ZBTB40: variants seen among roughly 807,000 people sequenced by gnomAD.
ZBTB40 encodes zinc finger and BTB domain containing 40.
A neutral mutation model predicts 117.5 loss-of-function variants in ZBTB40; 60 were observed. That is an observed-to-expected ratio of 0.51 (90% CI 0.41 to 0.63). The LOEUF is 0.63. Among genes scored for constraint, ZBTB40 ranks in the 30% least tolerant of loss-of-function variants. ZBTB40 has a pLI of 0.00. For missense variants in ZBTB40, 1,287 were observed against 1,498.5 expected, an observed-to-expected ratio of 0.86 and a Z score of 2.33; for synonymous variants, 525 against 577.1, an observed-to-expected ratio of 0.91 and a Z score of 1.29.
chr1:22,430,896 C>T (rs935090414), intron 1 of ZBTB40, among the ~76,000 whole-genome samples: 1 of 152,084 alleles, frequency 6.6e-6, no homozygotes, highest in African/African-American at 2.4e-5. Flanking sequence ...AGATAACTAG[C>T]CAATATGTTG....
At position 22,524,129 on chromosome 1, in the gene ZBTB40, T is replaced by G. The variant is rs991237889; in HGVS notation, c.3299-89T>G. The G allele has an allele frequency of 4.3e-5, 55 of 1,287,520 alleles. No individual in the cohort carries two copies. The African/African-American group carries it at 7.8e-4, about 18-fold the overall frequency. 79.8% of individuals were successfully genotyped at this position (1,287,520 alleles called of 1,614,324 possible). ...TCCAAGCCTCGATCCTCATTGCTCT[T>G]TCCTCTCATGTCTTCCTGCCCTCAT... On this transcript the variant is annotated intron_variant, in intron 16 of 17. Coordinates refer to ENST00000375647, the MANE Select transcript of ZBTB40 (RefSeq NM_014870.4).
At chr1:22,451,814 CG>C (rs950152759), upstream of ZBTB40, 2 of 152,270 alleles carry the variant, frequency 1.3e-5, no homozygotes, top group Non-Finnish European at 2.9e-5. Flanking sequence ...CACGTGACCG[CG>C]GCGCGTGGGG....
intron 1 of ZBTB40, among the ~76,000 whole-genome samples, chr1:22,433,098 T>A (rs1215712302): frequency 6.6e-6 from 1 of 151,758 alleles, no homozygotes; most frequent in East Asian, 1.9e-4. Flanking sequence ...AGATCGAAAA[T>A]GTTTGGGGAA....
chr1:22,457,848 C>T (rs1400679975), intron 1 of ZBTB40, among the ~76,000 whole-genome samples: 1 of 152,194 alleles, frequency 6.6e-6, no homozygotes, highest in Non-Finnish European at 1.5e-5. Context: ...AGGACTGGGG[C>T]CTGACCATTG....
intron 1 of ZBTB40, among the ~76,000 whole-genome samples, chr1:22,453,663 T>C (rs890081944): frequency 8.5e-5 from 13 of 152,230 alleles, no homozygotes; most frequent in Non-Finnish European, 1.6e-4. Flanking sequence ...AGTATTAATA[T>C]TACCATTTTA....
chr1:22,435,203 G>A lies in ZBTB40; in HGVS notation c.-70+6189G>A, dbSNP rs185357941. Among the ~76,000 whole-genome samples, 21 of 152,066 alleles carry A rather than the reference G, an allele frequency of 1.4e-4. No homozygotes were observed. The East Asian group carries it at 3.9e-3, about 28-fold the overall frequency. ...TTTTATAGAGATTGGGTCTCACTAT[G>A]TTGCCCAGGCTGGTTTTGAACTCCT... On this transcript the variant is annotated intron_variant, in intron 1 of 8. Coordinates refer to the ZBTB40 transcript ENST00000650433.
At chr1:22,454,014 A>G (rs1640946282) in intron 1 of ZBTB40, among the ~76,000 whole-genome samples, 1 of 152,166 alleles carries the variant, frequency 6.6e-6, no homozygotes, top group African/African-American at 2.4e-5. Context: ...CAGTGGCACA[A>G]TCTCGGCTCA....
chr1:22,467,769 C>T (rs1641291024), intron 1 of ZBTB40, among the ~76,000 whole-genome samples: 1 of 137,236 alleles, frequency 7.3e-6, no homozygotes, highest in African/African-American at 2.7e-5. Flanking sequence ...GCCACTGTGT[C>T]AGGCCTGTTT....
intron 1 of ZBTB40, among the ~76,000 whole-genome samples, chr1:22,482,035 A>C (rs1252123775): frequency 6.6e-6 from 1 of 152,002 alleles, no homozygotes; most frequent in Non-Finnish European, 1.5e-5. Context: ...TAAAAATTCC[A>C]GTCGCCTACT....
chr1:22,529,269 C>T lies in ZBTB40; in HGVS notation c.*2873C>T. On this transcript the variant is annotated 3_prime_UTR_variant, in exon 18 of 18. Coordinates refer to ENST00000375647, the MANE Select transcript of ZBTB40 (RefSeq NM_014870.4). ...TCCCGGTGTTGTTTTTGCCTCGTTC[C>T]CCATAGGCTGCTGCCCTTATGGCCT... The T allele has an allele frequency of 6.6e-6, 1 of 152,522 alleles. No individual in the cohort carries two copies. Among genetic ancestry groups the T allele is most frequent in the Non-Finnish European group, 1.5e-5 (1 of 68,146 alleles). 9.4% of individuals were successfully genotyped at this position (152,522 alleles called of 1,614,324 possible).
At chr1:22,445,297 T>C (rs1331799630) in intron 1 of ZBTB40, among the ~76,000 whole-genome samples, 1 of 152,160 alleles carries the variant, frequency 6.6e-6, no homozygotes, top group Non-Finnish European at 1.5e-5. Flanking sequence ...TGGCTTTCCA[T>C]GTGGAAGAGG....
intron 1 of ZBTB40, among the ~76,000 whole-genome samples, chr1:22,484,293 T>G (rs1638406415): frequency 6.6e-6 from 1 of 152,222 alleles, no homozygotes; most frequent in South Asian, 2.1e-4. Context: ...ACATGGGATA[T>G]CTCTCCATTT....
intron 9 of ZBTB40, among the ~76,000 whole-genome samples, chr1:22,509,949 G>A (rs1019030704): frequency 1.3e-5 from 2 of 152,230 alleles, no homozygotes; most frequent in African/African-American, 4.8e-5. Flanking sequence ...ATGAAGGAAA[G>A]TAAAACTGGT....
intron 1 of ZBTB40, among the ~76,000 whole-genome samples, chr1:22,456,360 A>G (rs1641004494): frequency 6.6e-6 from 1 of 152,160 alleles, no homozygotes; most frequent in Non-Finnish European, 1.5e-5. Flanking sequence ...CAAAATTATG[A>G]TGCCACGTAT....
chr1:22,491,590 A>C, intron 3 of ZBTB40, 57 bp downstream of exon 3: 1 of 1,594,380 alleles, frequency 6.3e-7, no homozygotes, highest in Non-Finnish European at 8.6e-7. Flanking sequence ...AGGATACCTT[A>C]CTAACTTTTT....
chr1:22,511,697 G>A lies in ZBTB40; in HGVS notation c.2024G>A (p.Gly675Glu), dbSNP rs1431098350. The A allele has an allele frequency of 6.2e-7, 1 of 1,610,418 alleles. No individual in the cohort carries two copies. Among genetic ancestry groups the A allele is most frequent in the Non-Finnish European group, 8.5e-7 (1 of 1,179,074 alleles). Residue 675 changes from glycine (G) to glutamate (E), a missense_variant, in exon 11 of 18, where the codon GGA (glycine) becomes GAA (glutamate). Physicochemically the swap from Gly to Glu is moderately conservative, Grantham distance 98. This residue lies in a region of ZBTB40 where 870 missense variants were observed against 934.4 expected (regional missense o/e 0.93). Transcript: ENST00000375647. ...GCAGGTGTCCTTACTAAGGAAGATG[G>A]AGAGAAGGAAACGTGGAAGGTGAGT... ...AYIGVLTKEDGEKETWKVSNK... is the reference protein window; with the variant it reads ...AYIGVLTKEDEEKETWKVSNK...
intron 9 of ZBTB40, among the ~76,000 whole-genome samples, chr1:22,509,921 A>G (rs2124455804): frequency 6.6e-6 from 1 of 152,324 alleles, no homozygotes; most frequent in East Asian, 1.9e-4. Flanking sequence ...ACCTGTTCTA[A>G]GAAGCAGCTT....
rs1296946153 is a variant in ZBTB40, at chr1:22,513,104, A to C, written c.2642A>C (p.Tyr881Ser). The change falls in exon 12 of 18, where the codon TAT becomes TCT. Residue 881 changes from tyrosine to serine, a missense_variant. By Grantham distance (144) the Tyr-to-Ser change is moderately radical (BLOSUM62 -2). Around this residue, in one of 2 missense-constraint regions of ZBTB40, gnomAD observed 417 missense variants for 564.1 expected, o/e 0.74. Coordinates refer to ENST00000375647, the MANE Select transcript of ZBTB40 (RefSeq NM_014870.4). The surrounding 1 kb of genome is among the most constrained non-coding windows in gnomAD (Gnocchi z 4.9). ...TTCACCCAGGCCTCCGCCCTGGCCT[A>C]TCACACCAAGAAGAAGCACTCAGAA... is the stretch of plus-strand genomic sequence containing the variant. ...MTFTQASALA[Y>S]HTKKKHSEGK... 2 of 1,614,096 alleles carry C rather than the reference A, an allele frequency of 1.2e-6. No homozygotes were observed. The highest frequency in any genetic ancestry group is 1.3e-5 in the African/African-American group (1 of 75,046).
intron 3 of ZBTB40, among the ~76,000 whole-genome samples, chr1:22,498,085 A>G (rs1169761977): frequency 2.0e-5 from 3 of 152,218 alleles, no homozygotes; most frequent in Non-Finnish European, 4.4e-5. Context: ...TTTCACTTAT[A>G]GAGGGAAAAG....
Sources: gnomAD v4.1 joint callset for allele counts (sites outside exome capture counted in the v4.1 genomes callset) on GRCh38, gnomAD v4.1.1 for gene constraint, gnomAD v4.1.1 regional missense constraint, Gnocchi (gnomAD v3.1) non-coding constraint, MANE v1.5 for transcripts, NCBI Gene and HGNC (gene_info 2026-07-23, HGNC 2026-07-21) for gene names.